LYPD6B: variants seen among roughly 807,000 people sequenced by gnomAD.
The protein encoded by LYPD6B is LY6/PLAUR domain containing 6B, also known as ly6/PLAUR domain-containing protein 6B.
LYPD6B carries 17 observed loss-of-function variants against 22.8 expected under a neutral mutation model. The ratio of observed to expected loss-of-function variants is 0.75; its 90% confidence interval spans 0.51 to 1.12. The LOEUF (loss-of-function observed/expected upper bound fraction) is 1.12. LYPD6B is among the 50% of genes most tolerant of loss of function. The pLI is 0.00. For missense variants in LYPD6B, 221 were observed against 258.3 expected, an observed-to-expected ratio of 0.86 and a Z score of 0.99; for synonymous variants, 106 against 91.6, an observed-to-expected ratio of 1.16 and a Z score of -0.90.
chr2:149,189,367 T>TATATATATAC (rs1290881582), intron 3 of LYPD6B, among the ~76,000 whole-genome samples: 10 of 81,060 alleles, frequency 1.2e-4, no homozygotes, highest in Admixed American at 9.4e-4. Context: ...TATATATATA[T>TATATATATAC]ACACACACAT....
At chr2:149,198,597 G>A (rs957633077) in intron 3 of LYPD6B, among the ~76,000 whole-genome samples, 1 of 152,172 alleles carries the variant, frequency 6.6e-6, no homozygotes, top group Non-Finnish European at 1.5e-5. Flanking sequence ...ATTGAAAATT[G>A]ATTTGCATAA....
At chr2:149,161,465 G>A (rs937261312) in intron 3 of LYPD6B, 2 of 152,714 alleles carry the variant, frequency 1.3e-5, no homozygotes, top group Middle Eastern at 3.1e-3. Context: ...TGCTTACTGC[G>A]CAGGCTGACC....
At chr2:149,086,241 A>G (rs1033923494) in intron 1 of LYPD6B, among the ~76,000 whole-genome samples, 1 of 152,220 alleles carries the variant, frequency 6.6e-6, no homozygotes, top group East Asian at 1.9e-4. Flanking sequence ...TCATAATAAT[A>G]AAATCAAAGG....
chr2:149,083,968 C>T (rs1021902990), intron 1 of LYPD6B, among the ~76,000 whole-genome samples: 21 of 151,952 alleles, frequency 1.4e-4, no homozygotes, highest in South Asian at 8.3e-4. Context: ...AAAAAAAAAC[C>T]GGGCGTAGTG....
At chr2:149,110,164 G>T (rs1686688678) in intron 1 of LYPD6B, among the ~76,000 whole-genome samples, 1 of 152,040 alleles carries the variant, frequency 6.6e-6, no homozygotes, top group Non-Finnish European at 1.5e-5. Context: ...ACATTGCAGG[G>T]TTTTTTAATT....
intron 2 of LYPD6B, among the ~76,000 whole-genome samples, chr2:149,155,112 C>T (rs540351212): frequency 1.2e-3 from 179 of 152,222 alleles, no homozygotes; most frequent in Non-Finnish European, 2.1e-3. Flanking sequence ...AGTAAAATTA[C>T]CTCTTTGCTT....
chr2:149,195,236 G>C (rs1692734962), intron 3 of LYPD6B, among the ~76,000 whole-genome samples: 1 of 152,174 alleles, frequency 6.6e-6, no homozygotes. Flanking sequence ...GCTAAGCAAG[G>C]AAGGACAGTC....
intron 3 of LYPD6B, among the ~76,000 whole-genome samples, chr2:149,162,398 GA>G (rs1455451818): frequency 6.6e-6 from 1 of 152,140 alleles, no homozygotes. Context: ...CCCAAAGTTA[GA>G]CAAGCTAAAA....
chr2:149,212,850 C>A, intron 5 of LYPD6B, 142 bp from the exon 6 acceptor site: 3 of 676,244 alleles, frequency 4.4e-6, no homozygotes, highest in South Asian at 2.1e-5. Context: ...GAGTTCACTG[C>A]TATGAAATGT....
intron 4 of LYPD6B, 59 bp from the exon 5 acceptor site, chr2:149,208,255 G>A (rs1019072539): frequency 1.3e-5 from 16 of 1,224,638 alleles, no homozygotes; most frequent in Non-Finnish European, 1.8e-5. Context: ...TACCATGTTT[G>A]ATGTTCGAAA....
chr2:149,106,228 G>T (rs899733417), intron 1 of LYPD6B, among the ~76,000 whole-genome samples: 1 of 152,050 alleles, frequency 6.6e-6, no homozygotes, highest in Non-Finnish European at 1.5e-5. Context: ...TGTTCATGAG[G>T]AATATTGGTT....
intron 1 of LYPD6B, among the ~76,000 whole-genome samples, chr2:149,104,418 T>C (rs961607001): frequency 1.3e-5 from 2 of 152,182 alleles, no homozygotes; most frequent in Non-Finnish European, 2.9e-5. Context: ...TTTTATCTTG[T>C]GGGTTTAAGA....
At chr2:149,151,991 CTT>C (rs1415757026) in intron 2 of LYPD6B, among the ~76,000 whole-genome samples, 1 of 152,132 alleles carries the variant, frequency 6.6e-6, no homozygotes, top group Non-Finnish European at 1.5e-5. Context: ...GTATTTAACT[CTT>C]TTCCCTCACT....
intron 3 of LYPD6B, among the ~76,000 whole-genome samples, chr2:149,179,906 A>T (rs1294856512): frequency 6.6e-6 from 1 of 152,262 alleles, no homozygotes; most frequent in East Asian, 1.9e-4. Context: ...AACCTAAGTT[A>T]AAACCAAAAC....
At chr2:149,158,051 G>A (rs969596319) in intron 2 of LYPD6B, among the ~76,000 whole-genome samples, 1 of 152,058 alleles carries the variant, frequency 6.6e-6, no homozygotes, top group African/African-American at 2.4e-5. Context: ...ATTAAGATTG[G>A]GGTGGGGAGA....
chr2:149,161,953 C>A (rs1339182403), intron 3 of LYPD6B, among the ~76,000 whole-genome samples: 1 of 152,142 alleles, frequency 6.6e-6, no homozygotes, highest in African/African-American at 2.4e-5. Flanking sequence ...TATATATTAT[C>A]ATCACTCTTT....
chr2:149,175,070 T>TGTGTGG (rs1691193689), intron 3 of LYPD6B, among the ~76,000 whole-genome samples: 1 of 151,102 alleles, frequency 6.6e-6, no homozygotes, highest in African/African-American at 2.4e-5. Context: ...TCTGTGTGTG[T>TGTGTGG]GTGTGTGTGT....
rs145833403 is a variant in LYPD6B at position 149,134,451 on chromosome 2, C to A, written c.5+3498C>A. Among the ~76,000 whole-genome samples, 290 of 152,280 alleles carry A rather than the reference C, an allele frequency of 1.9e-3. 1 individual carries two copies. The highest frequency in any genetic ancestry group is 6.9e-3 in the African/African-American group (285 of 41,570). Reference sequence around the variant, plus strand: ...GACTCCAGCCTACTAAACTCTTTATCGCTTCTAAGGTATCTGTAGGCCTGG... The same window carrying A: ...GACTCCAGCCTACTAAACTCTTTATAGCTTCTAAGGTATCTGTAGGCCTGG... On this transcript the variant is annotated intron_variant, in intron 2 of 6. Coordinates refer to ENST00000409642, the MANE Select transcript of LYPD6B (RefSeq NM_177964.5).
intron 2 of LYPD6B, among the ~76,000 whole-genome samples, chr2:149,150,659 T>G (rs1442051385): frequency 2.0e-5 from 3 of 152,168 alleles, no homozygotes; most frequent in Non-Finnish European, 4.4e-5. Flanking sequence ...TGTACATGTA[T>G]TTTTTCATTC....
Sources: allele counts gnomAD v4.1 joint callset (sites outside exome capture counted in the v4.1 genomes callset), GRCh38; gene constraint gnomAD v4.1.1; transcripts MANE v1.5; gene names NCBI Gene and HGNC (gene_info 2026-07-23, HGNC 2026-07-21).